Variants in MLH3 observed in about 807,000 individuals in gnomAD.
MLH3 encodes DNA mismatch repair protein Mlh3.
MLH3 carries 82 observed loss-of-function variants against 122.2 expected under a neutral mutation model. The observed-to-expected ratio is 0.67, with a 90% CI of 0.56 to 0.81. MLH3 has a LOEUF of 0.81. Among genes scored for constraint, MLH3 ranks in the 30% least tolerant of loss-of-function variants. The probability of loss-of-function intolerance (pLI) is 0.00; values close to 1 mark genes in which losing one functional copy is unlikely to be tolerated. For synonymous variants in MLH3, 524 were observed against 599.5 expected (o/e 0.87, Z 1.84); for missense variants, 1,539 against 1,714.5 (o/e 0.90, Z 1.81).
chr14:75,039,825 C>A (rs1891685839), intron 5 of MLH3, 86 bp downstream of exon 5: 4 of 376,436 alleles, frequency 1.1e-5, no homozygotes, highest in South Asian at 3.5e-5. Flanking sequence ...TTAAATAAAT[C>A]AAATTTTAGA....
rs919574344 is a variant in MLH3 at position 75,027,355 on chromosome 14, G to A, written c.3987+3188C>T. On this transcript the variant is annotated intron_variant, in intron 9 of 12. Transcript: ENST00000355774. Reference sequence around the variant, plus strand: ...GCTCATTGCAACTTCCGCCTCCCGGGTTCAAGTGATTCTCCTGCCTCAGCC... The same window carrying A: ...GCTCATTGCAACTTCCGCCTCCCGGATTCAAGTGATTCTCCTGCCTCAGCC... Among the ~76,000 whole-genome samples the A allele has an allele frequency of 6.6e-5, 10 of 151,288 alleles. 1 individual carries two copies. The highest frequency in any genetic ancestry group is 9.7e-5 in the African/African-American group (4 of 41,240).
chr14:75,034,141 C>T (rs1891231407), intron 6 of MLH3, among the ~76,000 whole-genome samples: 1 of 151,388 alleles, frequency 6.6e-6, no homozygotes, highest in African/African-American at 2.4e-5. Context: ...TGCAGTGAGC[C>T]GAGATTGCAC....
chr14:75,026,838 C>T (rs1890656718), intron 9 of MLH3, among the ~76,000 whole-genome samples: 1 of 152,124 alleles, frequency 6.6e-6, no homozygotes, highest in Non-Finnish European at 1.5e-5. Context: ...GTGGCTCACA[C>T]CTGTAATCCC....
chr14:75,047,237 T>C lies in MLH3; in HGVS notation c.2419A>G (p.Thr807Ala). The change falls in exon 2 of 13, where the codon ACT becomes GCT. Residue 807 changes from threonine to alanine, a missense_variant. Transcript: ENST00000355774. ...RLENSDVCKI[T>A]TMEHSDSDSS... is the part of the protein sequence containing the mutation. Reference sequence around the variant, plus strand: ...TCTGAATCACTATGCTCCATAGTAGTGATTTTACAAACATCAGAGTTCTCT... The same window carrying C: ...TCTGAATCACTATGCTCCATAGTAGCGATTTTACAAACATCAGAGTTCTCT... 1 of 1,614,172 alleles carries C rather than the reference T, an allele frequency of 6.2e-7. No individual in the cohort carries two copies. The highest frequency in any genetic ancestry group is 8.5e-7 in the Non-Finnish European group (1 of 1,180,014).
intron 11 of MLH3, 147 bp downstream of exon 11, chr14:75,022,667 A>T: frequency 2.4e-6 from 2 of 825,876 alleles, no homozygotes; most frequent in Admixed American, 2.0e-5. Flanking sequence ...AGTGATTTTT[A>T]AAAGGGTATA....
At chr14:75,027,438 T>C (rs1231610589) in intron 9 of MLH3, among the ~76,000 whole-genome samples, 1 of 151,774 alleles carries the variant, frequency 6.6e-6, no homozygotes, top group African/African-American at 2.4e-5. Context: ...TTTTGTATTT[T>C]TGGTAGAGAC....
intron 7 of MLH3, among the ~76,000 whole-genome samples, chr14:75,032,594 G>A (rs552321155): frequency 3.9e-5 from 6 of 152,132 alleles, no homozygotes; most frequent in African/African-American, 1.4e-4. Flanking sequence ...AATGGTGCAG[G>A]GCCTGTAGAG....
At position 75,047,862 on chromosome 14, in the gene MLH3, A is replaced by G. The variant is rs139018020; in HGVS notation, c.1794T>C (p.Tyr598=). Residue 598 remains tyrosine (Y), a synonymous_variant, in exon 2 of 13, where the codon TAT becomes TAC. Coordinates refer to ENST00000355774, the MANE Select transcript of MLH3 (RefSeq NM_001040108.2). ...SNCGRRNVFS[Y]GRVKLCSTGF... ...CAGTGGAACATAATTTAACTCGCCC[A>G]TAACTAAAAACATTTCTTCTTCCAC... 54 of 1,613,122 alleles carry G rather than the reference A, an allele frequency of 3.3e-5. No individual in the cohort carries two copies. Among genetic ancestry groups the G allele is most frequent in the Admixed American group, 6.7e-5 (4 of 59,838 alleles).
intron 6 of MLH3, 76 bp downstream of exon 6, chr14:75,038,264 A>C: frequency 1.0e-6 from 1 of 989,554 alleles, no homozygotes; most frequent in Non-Finnish European, 1.6e-6. Flanking sequence ...ACTATATTAT[A>C]TACCAAAAAT....
At chr14:75,043,738 A>G (rs746976832) in intron 2 of MLH3, among the ~76,000 whole-genome samples, 2 of 152,230 alleles carry the variant, frequency 1.3e-5, no homozygotes, top group South Asian at 4.1e-4. Context: ...AAAATTACCA[A>G]GGCTTGGGGA....
intron 9 of MLH3, among the ~76,000 whole-genome samples, chr14:75,029,255 C>T (rs1295787485): frequency 6.6e-6 from 1 of 151,848 alleles, no homozygotes; most frequent in African/African-American, 2.4e-5. Context: ...TAAAGGTCTT[C>T]ACCCTCATCA....
In MLH3 at chr14:75,046,483, A is replaced by C. The variant is rs1047794293; in HGVS notation, c.3173T>G (p.Val1058Gly). The C allele has an allele frequency of 2.2e-5, 36 of 1,614,082 alleles. No individual in the cohort carries two copies. The highest frequency in any genetic ancestry group is 3.1e-5 in the Non-Finnish European group (36 of 1,180,034). The stretch of plus-strand genomic sequence containing the variant: ...TGTGCTGAGTCCAGTCATTTTGTTG[A>C]CATAAACCATTCTTCCCAGGGCTAC... Reference protein sequence around the residue: ...FDVALGRMVYVNKMTGLSTFI... With the variant: ...FDVALGRMVYGNKMTGLSTFI... Residue 1058 changes from valine to glycine, a missense_variant, in exon 2 of 13, where the codon GTC (valine) becomes GGC (glycine). Coordinates refer to ENST00000355774, the MANE Select transcript of MLH3 (RefSeq NM_001040108.2).
intron 11 of MLH3, among the ~76,000 whole-genome samples, chr14:75,021,354 G>A (rs1252920274): frequency 2.0e-5 from 3 of 152,182 alleles, no homozygotes; most frequent in Non-Finnish European, 4.4e-5. Flanking sequence ...ACTATCAACA[G>A]AATAGACGGA....
intron 6 of MLH3, among the ~76,000 whole-genome samples, chr14:75,034,180 A>G (rs1033533329): frequency 4.3e-5 from 5 of 116,498 alleles, no homozygotes; most frequent in Admixed American, 1.0e-4. Context: ...TGACAGAGTG[A>G]GACTCCATCT....
chr14:75,039,441 G>C (rs1402307427), intron 5 of MLH3, among the ~76,000 whole-genome samples: 4 of 152,150 alleles, frequency 2.6e-5, no homozygotes, highest in Non-Finnish European at 5.9e-5. Context: ...ATCAGACAAA[G>C]GGTCCCTTTT....
chr14:75,022,696 A>AT, intron 11 of MLH3, 118 bp downstream of exon 11: 9 of 928,572 alleles, frequency 9.7e-6, no homozygotes, highest in Non-Finnish European at 1.6e-5. Context: ...CTTGATCTAA[A>AT]TTGTATTCTC....
rs377337763 is a variant in MLH3 at position 75,046,715 on chromosome 14, C to T, written c.2941G>A (p.Gly981Ser). 43 of 1,613,946 alleles carry T rather than the reference C, an allele frequency of 2.7e-5. No individual in the cohort carries two copies. Among genetic ancestry groups the T allele is most frequent in the African/African-American group, 5.3e-5 (4 of 74,878 alleles). The stretch of plus-strand genomic sequence containing the variant: ...CTGATAAGAACATCTGAATCTTTAC[C>T]GGTAACTTTAGAATTATTATAGGGC... ...VLPYNNSKVT[G>S]KDSDVLIRAS... Residue 981 changes from glycine to serine, a missense_variant, in exon 2 of 13, where the codon GGT (glycine) becomes AGT (serine). Transcript: ENST00000355774.
chr14:75,042,339 G>T, intron 3 of MLH3, 40 bp downstream of exon 3: 1 of 1,531,810 alleles, frequency 6.5e-7, no homozygotes, highest in Non-Finnish European at 9.0e-7. Context: ...TAGGTGGTAC[G>T]ATGTGTACTG....
chr14:75,042,289 A>G lies in MLH3; in HGVS notation c.3379+90T>C, dbSNP rs1011913509. Reference sequence around the variant, plus strand: ...CTGATTCCAGTACAGCACAGCTGGCACTGATCAAGCTTAATGCAAGCCTGC... The same window carrying G: ...CTGATTCCAGTACAGCACAGCTGGCGCTGATCAAGCTTAATGCAAGCCTGC... On this transcript the variant is annotated intron_variant, in intron 3 of 12. Transcript: ENST00000355774. 1.4e-5 allele frequency: 15 copies of G among 1,082,978 alleles called. No homozygotes were observed. The East Asian group carries it at 3.5e-4, about 26-fold the overall frequency. 67.1% of individuals were successfully genotyped at this position (1,082,978 alleles called of 1,614,324 possible). A position where few individuals can be genotyped will look rare whatever the true frequency, so the allele number is the denominator to read the frequency against.
Sources: gnomAD v4.1 joint callset for allele counts (sites outside exome capture counted in the v4.1 genomes callset) on GRCh38, gnomAD v4.1.1 for gene constraint, MANE v1.5 for transcripts, NCBI Gene and HGNC (gene_info 2026-07-23, HGNC 2026-07-21) for gene names.